MTIF3: variants seen among roughly 807,000 people sequenced by gnomAD.
MTIF3 encodes translation initiation factor IF-3, mitochondrial.
A neutral mutation model predicts 20.7 loss-of-function variants in MTIF3; 13 were observed. That is an observed-to-expected ratio of 0.63 (90% CI 0.41 to 1.00). The LOEUF (loss-of-function observed/expected upper bound fraction) is 1.00. MTIF3 is among the 50% of genes least tolerant of loss of function. The pLI, the probability that MTIF3 is intolerant of heterozygous loss-of-function variation, is 0.00. For synonymous variants in MTIF3, 114 were observed against 112.5 expected, an observed-to-expected ratio of 1.01 and a Z score of -0.08; for missense variants, 295 against 324.5, an observed-to-expected ratio of 0.91 and a Z score of 0.70.
At chr13:27,438,439 G>A (rs867175001) in intron 3 of MTIF3, among the ~76,000 whole-genome samples, 1 of 144,936 alleles carries the variant, frequency 6.9e-6, no homozygotes, top group Non-Finnish European at 1.5e-5. Flanking sequence ...GCAGTGAGCC[G>A]AAATCACACC....
intron 2 of MTIF3, among the ~76,000 whole-genome samples, chr13:27,441,449 T>G (rs1954000543): frequency 6.6e-6 from 1 of 152,238 alleles, no homozygotes; most frequent in African/African-American, 2.4e-5. Context: ...CAGAAAACAC[T>G]GTGACATAAA....
chr13:27,436,745 ATTTTTTTTTTTTT>A (rs66903644), intron 4 of MTIF3, among the ~76,000 whole-genome samples: 7 of 90,192 alleles, frequency 7.8e-5, no homozygotes, highest in African/African-American at 3.3e-4. Context: ...ATTTTCTACA[ATTTTTTTTTTTTT>A]TTTTTTTTTT....
At chr13:27,449,753 G>A (rs574832812) in intron 1 of MTIF3, 1 of 152,324 alleles carries the variant, frequency 6.6e-6, no homozygotes, top group South Asian at 2.1e-4. Flanking sequence ...GGACTTATTC[G>A]TTACTGTGTT....
chr13:27,438,490 T>TTG (rs1419628641), intron 3 of MTIF3, among the ~76,000 whole-genome samples: 3 of 46,484 alleles, frequency 6.5e-5, no homozygotes, highest in African/African-American at 1.6e-4. Flanking sequence ...ACTGTTTTTT[T>TTG]TTTTTTTTTT....
chr13:27,437,425 TG>T (rs1953823570), intron 3 of MTIF3, 152 bp from the exon 4 acceptor site: 1 of 673,590 alleles, frequency 1.5e-6, no homozygotes, highest in Non-Finnish European at 2.4e-6. Context: ...TCTTTTCAAA[TG>T]GGGAAGATAC....
rs1953797097 is a variant in MTIF3, at chr13:27,437,030, C to T, written c.618+86G>A. The stretch of plus-strand genomic sequence containing the variant: ...CCTCCCAAAATGCTGGGATTACAGG[C>T]GTGAGCCACCGCGCCTGGCCTACAA... On this transcript the variant is annotated intron_variant, in intron 4 of 4. Coordinates refer to ENST00000381120, the MANE Select transcript of MTIF3 (RefSeq NM_152912.5). The T allele has an allele frequency of 3.5e-6, 5 of 1,409,700 alleles. No individual in the cohort carries two copies. In the South Asian group the frequency reaches 4.1e-5, roughly 11 times the overall value. 87.3% of individuals were successfully genotyped at this position (1,409,700 alleles called of 1,614,324 possible). A position where few individuals can be genotyped will look rare whatever the true frequency, so the allele number is the denominator to read the frequency against.
intron 3 of MTIF3, among the ~76,000 whole-genome samples, chr13:27,439,261 C>T (rs1368976722): frequency 7.9e-5 from 12 of 152,000 alleles, no homozygotes; most frequent in African/African-American, 2.2e-4. Flanking sequence ...TTTGGGAGGC[C>T]GAGGAGGGCA....
At chr13:27,441,809 A>C (rs758869785) in intron 2 of MTIF3, among the ~76,000 whole-genome samples, 1 of 152,214 alleles carries the variant, frequency 6.6e-6, no homozygotes, top group Non-Finnish European at 1.5e-5. Flanking sequence ...CTTCTCAAAG[A>C]ATGGTCCCAG....
At chr13:27,446,632 GTAATT>G (rs1954189108) in intron 1 of MTIF3, among the ~76,000 whole-genome samples, 1 of 152,156 alleles carries the variant, frequency 6.6e-6, no homozygotes, top group Admixed American at 6.5e-5. Flanking sequence ...AAATTTCACT[GTAATT>G]TAATACATTG....
At chr13:27,437,338 A>G in intron 3 of MTIF3, 65 bp from the exon 4 acceptor site, 1 of 1,432,716 alleles carries the variant, frequency 7.0e-7, no homozygotes, top group Non-Finnish European at 9.5e-7. Flanking sequence ...GAACTTCCCA[A>G]CATGCCCATC....
intron 1 of MTIF3, among the ~76,000 whole-genome samples, chr13:27,449,500 G>C (rs1237573667): frequency 6.6e-6 from 1 of 152,198 alleles, no homozygotes; most frequent in Non-Finnish European, 1.5e-5. Context: ...TTCGGTTTTT[G>C]AAATACAGTA....
At chr13:27,438,305 G>A (rs553045882) in intron 3 of MTIF3, among the ~76,000 whole-genome samples, 3 of 111,652 alleles carry the variant, frequency 2.7e-5, no homozygotes, top group East Asian at 2.6e-4. Context: ...GCAACATAGC[G>A]AGACCCCATC....
intron 3 of MTIF3, among the ~76,000 whole-genome samples, chr13:27,438,602 C>G (rs956295090): frequency 1.3e-5 from 2 of 149,800 alleles, no homozygotes; most frequent in African/African-American, 4.9e-5. Flanking sequence ...CTCAAGTGAT[C>G]CTCCCACCTC....
At chr13:27,441,439 C>A (rs533458612) in intron 2 of MTIF3, among the ~76,000 whole-genome samples, 1 of 152,324 alleles carries the variant, frequency 6.6e-6, no homozygotes, top group East Asian at 1.9e-4. Flanking sequence ...CTGAGCCTGT[C>A]AGAAAACACT....
At position 27,435,737 on chromosome 13, in the gene MTIF3, C is replaced by G. The variant is rs535577082; in HGVS notation, c.775G>C (p.Glu259Gln). 1.2e-6 allele frequency: 2 copies of G among 1,614,022 alleles called. No individual in the cohort carries two copies. Among genetic ancestry groups the G allele is most frequent in the South Asian group, 1.1e-5 (1 of 91,072 alleles). Residue 259 changes from glutamate to glutamine, a missense_variant, in exon 5 of 5, where the codon GAA (glutamate) becomes CAA (glutamine). Transcript: ENST00000381120. ...TGGTCTTTGTTCAAAGTGTCTCTTT[C>G]CTGGGTCTCTTGAGTTTCTTTATAT... is the stretch of plus-strand genomic sequence containing the variant. Reference protein sequence around the residue: ...KAYKETQETQERDTLNKDHGN... With the variant: ...KAYKETQETQQRDTLNKDHGN...
chr13:27,440,649 C>G (rs1165605354), intron 2 of MTIF3, among the ~76,000 whole-genome samples, 200 bp from the exon 3 acceptor site: 1 of 152,096 alleles, frequency 6.6e-6, no homozygotes, highest in Non-Finnish European at 1.5e-5. Flanking sequence ...TCTGGCCAGA[C>G]TAACTCATGG....
At chr13:27,436,219 A>G (rs75113903) in intron 4 of MTIF3, among the ~76,000 whole-genome samples, 2,694 of 152,240 alleles carry the variant, frequency 0.018, 73 homozygotes, top group African/African-American at 0.06. Flanking sequence ...CTCATCCCCA[A>G]GGTGTCAGCC....
At chr13:27,448,954 T>C (rs1051359374) in intron 1 of MTIF3, among the ~76,000 whole-genome samples, 3 of 151,212 alleles carry the variant, frequency 2.0e-5, no homozygotes, top group African/African-American at 7.3e-5. Flanking sequence ...GGCAGGAGAA[T>C]CACTTGAACC....
Position 27,440,409 on chromosome 13 carries a change from C to T in MTIF3, c.40G>A (p.Val14Ile). The T allele has an allele frequency of 6.2e-7, 1 of 1,613,524 alleles. No individual in the cohort carries two copies. Residue 14 changes from valine to isoleucine, a missense_variant, in exon 3 of 5, where the codon GTA becomes ATA. Physicochemically the swap from Val to Ile is conservative, Grantham distance 29. Coordinates refer to ENST00000381120, the MANE Select transcript of MTIF3 (RefSeq NM_152912.5). Reference protein sequence around the residue: ...LFLKRLTLQTVKSENSCIRCF... With the variant: ...LFLKRLTLQTIKSENSCIRCF... ...CTAATGCAACTATTTTCAGACTTTA[C>T]AGTTTGTAGTGTTAACCTCTTTAGA...
Sources: allele counts gnomAD v4.1 joint callset (sites outside exome capture counted in the v4.1 genomes callset), GRCh38; gene constraint gnomAD v4.1.1; transcripts MANE v1.5; gene names NCBI Gene and HGNC (gene_info 2026-07-23, HGNC 2026-07-21).